The following NELL1 variants were observed in gnomAD, a reference collection of about 807,000 sequenced individuals.
NELL1 encodes the protein neural EGFL like 1, also known as protein kinase C-binding protein NELL1.
Under a neutral mutation model 107.4 loss-of-function variants are expected in NELL1, and 76 were observed. That is an observed-to-expected ratio of 0.71 (90% confidence interval 0.59 to 0.86). The LOEUF (loss-of-function observed/expected upper bound fraction) is 0.86, where lower values mean the gene tolerates loss of function less well. NELL1 is among the 40% of genes least tolerant of loss of function. The pLI is 0.00. For missense variants in NELL1, 1,024 were observed against 1,005.5 expected (o/e 1.02, Z -0.25); for synonymous variants, 353 against 341.2 (o/e 1.03, Z -0.38).
intron 2 of NELL1, among the ~76,000 whole-genome samples, chr11:20,727,472 C>A (rs970744828): frequency 2.6e-5 from 4 of 151,960 alleles, no homozygotes; most frequent in African/African-American, 4.8e-5. Context: ...AATTTGTTGG[C>A]GTTCATTGTA....
intron 14 of NELL1, among the ~76,000 whole-genome samples, chr11:21,336,647 G>GTATATATA (rs1350044303): frequency 3.1e-4 from 22 of 70,690 alleles, no homozygotes; most frequent in African/African-American, 9.2e-4. Flanking sequence ...CTTCATATGT[G>GTATATATA]TGTGTATATA....
rs190497024 is a variant in NELL1 at position 21,469,360 on chromosome 11, A to G, written c.1646-65014A>G. 3.6e-3 allele frequency among the ~76,000 whole-genome samples: 550 copies of G among 152,146 alleles called. 3 individuals are homozygous for G. Among genetic ancestry groups the G allele is most frequent in the African/African-American group, 0.013 (532 of 41,540 alleles). Reference sequence around the variant, plus strand: ...TAAGACTGGGCTGATCTCCACTTGCAAGAAAAAGTCTTGCAGGAGTACCCA... The same window carrying G: ...TAAGACTGGGCTGATCTCCACTTGCGAGAAAAAGTCTTGCAGGAGTACCCA... On this transcript the variant is annotated intron_variant, in intron 15 of 19. Coordinates refer to ENST00000357134, the MANE Select transcript of NELL1 (RefSeq NM_006157.5).
chr11:21,192,283 C>T (rs1292198753), intron 13 of NELL1, among the ~76,000 whole-genome samples: 1 of 151,818 alleles, frequency 6.6e-6, no homozygotes, highest in African/African-American at 2.4e-5. Flanking sequence ...CTCTAAAACA[C>T]ATTTTGAATA....
At chr11:21,326,820 A>G (rs1320648936) in intron 14 of NELL1, among the ~76,000 whole-genome samples, 1 of 151,966 alleles carries the variant, frequency 6.6e-6, no homozygotes, top group African/African-American at 2.4e-5. Context: ...AAAAAAATGC[A>G]GACTGAATAT....
intron 13 of NELL1, among the ~76,000 whole-genome samples, chr11:21,171,090 C>T (rs1456729200): frequency 5.3e-5 from 8 of 151,890 alleles, no homozygotes; most frequent in Admixed American, 1.3e-4. Context: ...CTTTGCCTTA[C>T]GGCTGTCCTC....
intron 3 of NELL1, among the ~76,000 whole-genome samples, chr11:20,813,470 A>T (rs1373240868): frequency 5.7e-3 from 2 of 352 alleles, no homozygotes; most frequent in Non-Finnish European, 0.25. Flanking sequence ...AGGACGTGAT[A>T]AAAAAAAACC....
intron 14 of NELL1, among the ~76,000 whole-genome samples, chr11:21,344,800 A>C (rs1264438253): frequency 6.6e-6 from 1 of 152,128 alleles, no homozygotes; most frequent in African/African-American, 2.4e-5. Flanking sequence ...GTGAACTTCA[A>C]AGCAATTTTT....
intron 14 of NELL1, among the ~76,000 whole-genome samples, chr11:21,304,610 A>G (rs16907897): frequency 0.015 from 2,315 of 151,850 alleles, 28 homozygotes; most frequent in Non-Finnish European, 0.024. Context: ...ATAGGAGTCT[A>G]CAGCCTACAT....
At chr11:21,076,100 G>GA (rs1443000934) in intron 12 of NELL1, among the ~76,000 whole-genome samples, 1 of 152,218 alleles carries the variant, frequency 6.6e-6, no homozygotes, top group East Asian at 1.9e-4. Context: ...GAGTTGGATT[G>GA]AAAAACAGCT....
At chr11:21,185,481 G>A (rs1856916156) in intron 13 of NELL1, among the ~76,000 whole-genome samples, 1 of 151,490 alleles carries the variant, frequency 6.6e-6, no homozygotes, top group Non-Finnish European at 1.5e-5. Context: ...ATTTAGTAGA[G>A]ACGGAGTTCC....
In NELL1 at chr11:20,834,571, C is replaced by T. The variant is rs548728734; in HGVS notation, c.336-13012C>T. Among the ~76,000 whole-genome samples the T allele has an allele frequency of 5.9e-4, 89 of 151,964 alleles. 1 individual carries two copies. The highest frequency in any genetic ancestry group is 1.7e-3 in the African/African-American group (70 of 41,438). ...CAAAAAAATTAGCTGGGTGTGGTGG[C>T]GGGCACCTGTAGTCCCAGCTACTAG... On this transcript the variant is annotated intron_variant, in intron 3 of 19. Coordinates refer to ENST00000357134, the MANE Select transcript of NELL1 (RefSeq NM_006157.5).
intron 3 of NELL1, among the ~76,000 whole-genome samples, chr11:20,842,125 C>G (rs943180204): frequency 6.6e-6 from 1 of 152,080 alleles, no homozygotes; most frequent in African/African-American, 2.4e-5. Context: ...GCCTCTAATC[C>G]CAGCAGTTTG....
Position 20,951,741 on chromosome 11 carries a change from T to C in NELL1, c.1171+4306T>C, listed in dbSNP as rs181157265. The stretch of plus-strand genomic sequence containing the variant: ...ATACTGGCGGGGAGAGGCCACTTTG[T>C]AGTTTGTGGGACTCATGGTCTCAGT... On this transcript the variant is annotated intron_variant, in intron 11 of 19. Coordinates refer to ENST00000357134, the MANE Select transcript of NELL1 (RefSeq NM_006157.5). Among the ~76,000 whole-genome samples, 354 of 152,222 alleles carry C rather than the reference T, an allele frequency of 2.3e-3. 1 individual carries two copies. The highest frequency in any genetic ancestry group is 7.8e-3 in the African/African-American group (322 of 41,524).
intron 2 of NELL1, among the ~76,000 whole-genome samples, chr11:20,746,655 G>A (rs2133940059): frequency 6.6e-6 from 1 of 152,094 alleles, no homozygotes; most frequent in African/African-American, 2.4e-5. Flanking sequence ...TTTGCCAAGT[G>A]TGATTTTCAG....
At chr11:21,046,685 T>TCAA (rs1853363041) in intron 12 of NELL1, among the ~76,000 whole-genome samples, 1 of 96,254 alleles carries the variant, frequency 1.0e-5, no homozygotes, top group Non-Finnish European at 1.9e-5. Flanking sequence ...CAATTATTTA[T>TCAA]TTATTTATTT....
rs138709401 is a variant in NELL1 at position 20,734,272 on chromosome 11, G to A, written c.185-49408G>A. ...GATCATATTGGGCCTTAGAGGTTAT[G>A]GAGAGAAATTTAGATTTTGTTTTCC... On this transcript the variant is annotated intron_variant, in intron 2 of 19. Transcript: ENST00000357134. 7.6e-3 allele frequency among the ~76,000 whole-genome samples: 1,162 copies of A among 152,270 alleles called. 14 individuals carry two copies. Among genetic ancestry groups the A allele is most frequent in the African/African-American group, 0.027 (1,116 of 41,554 alleles).
intron 15 of NELL1, among the ~76,000 whole-genome samples, chr11:21,392,725 G>C (rs558165270): frequency 1.3e-5 from 2 of 151,608 alleles, no homozygotes; most frequent in Non-Finnish European, 3.0e-5. Context: ...GATATAAAAT[G>C]TCATCCACTT....
chr11:21,288,017 G>A (rs1312910069), intron 14 of NELL1, among the ~76,000 whole-genome samples: 1 of 142,336 alleles, frequency 7.0e-6, no homozygotes, highest in South Asian at 2.2e-4. Context: ...AATAAGGGAA[G>A]GAAAGAAGGA....
chr11:20,833,827 G>A (rs540985847), intron 3 of NELL1, among the ~76,000 whole-genome samples: 16 of 152,230 alleles, frequency 1.1e-4, no homozygotes, highest in Non-Finnish European at 1.6e-4. Context: ...TGTAGTGGGA[G>A]GGATCGTGGT....
Sources: allele counts gnomAD v4.1 joint callset (sites outside exome capture counted in the v4.1 genomes callset), GRCh38; gene constraint gnomAD v4.1.1; transcripts MANE v1.5; gene names NCBI Gene and HGNC (gene_info 2026-07-23, HGNC 2026-07-21).